CRPPA: variants seen among roughly 807,000 people sequenced by gnomAD.
CRPPA encodes CDP-L-ribitol pyrophosphorylase A, also known as D-ribitol-5-phosphate cytidylyltransferase.
Under a neutral mutation model 52.0 loss-of-function variants are expected in CRPPA, and 43 were observed. The observed-to-expected ratio is 0.83, with a 90% CI of 0.65 to 1.07. The LOEUF (loss-of-function observed/expected upper bound fraction) is 1.07. Ranked by LOEUF, CRPPA falls within the 50% of genes least tolerant of loss-of-function variation. The pLI is 0.00. For missense variants in CRPPA, 629 were observed against 551.7 expected (o/e 1.14, Z -1.40); for synonymous variants, 250 against 203.5 (o/e 1.23, Z -1.94).
At chr7:16,140,991 A>T (rs1782858665) in intron 9 of CRPPA, among the ~76,000 whole-genome samples, 1 of 152,320 alleles carries the variant, frequency 6.6e-6, no homozygotes, top group Admixed American at 6.5e-5. Context: ...TGGACCTGAT[A>T]TTAAGAACCT....
chr7:16,318,484 A>G (rs981430102), intron 3 of CRPPA, among the ~76,000 whole-genome samples: 1 of 152,136 alleles, frequency 6.6e-6, no homozygotes, highest in East Asian at 1.9e-4. Context: ...TTTTCTCCAT[A>G]TGTAACAATT....
At chr7:16,380,418 C>G (rs898769351) in intron 2 of CRPPA, among the ~76,000 whole-genome samples, 8 of 152,098 alleles carry the variant, frequency 5.3e-5, no homozygotes, top group South Asian at 2.1e-4. Flanking sequence ...ATTTTTGCAT[C>G]AATGTTCATC....
chr7:16,385,997 CCA>C (rs1397591640), intron 2 of CRPPA, among the ~76,000 whole-genome samples: 2 of 152,318 alleles, frequency 1.3e-5, no homozygotes, highest in African/African-American at 4.8e-5. Context: ...GCTCTGCCGT[CCA>C]CAGACAGCTT....
At chr7:16,384,213 A>T (rs1056415389) in intron 2 of CRPPA, among the ~76,000 whole-genome samples, 1 of 152,146 alleles carries the variant, frequency 6.6e-6, no homozygotes, top group Non-Finnish European at 1.5e-5. Flanking sequence ...CAAGTAGAAG[A>T]CAAAGGATGT....
chr7:16,122,186 A>G (rs1444777664), intron 9 of CRPPA, among the ~76,000 whole-genome samples: 3 of 152,100 alleles, frequency 2.0e-5, no homozygotes, highest in African/African-American at 7.2e-5. Flanking sequence ...AACACGCACA[A>G]TCAAAAGGAA....
chr7:16,343,092 AAAT>A (rs1234756743), intron 3 of CRPPA, among the ~76,000 whole-genome samples: 1 of 151,978 alleles, frequency 6.6e-6, no homozygotes, highest in Non-Finnish European at 1.5e-5. Flanking sequence ...TGTGAAAATC[AAAT>A]AATAAGTTAC....
At chr7:16,253,510 G>A (rs1485989769) in intron 8 of CRPPA, among the ~76,000 whole-genome samples, 1 of 152,200 alleles carries the variant, frequency 6.6e-6, no homozygotes, top group African/African-American at 2.4e-5. Context: ...TTGCTGAGGA[G>A]TACTTTACTT....
At chr7:16,384,884 A>G (rs1356101787) in intron 2 of CRPPA, among the ~76,000 whole-genome samples, 7 of 152,196 alleles carry the variant, frequency 4.6e-5, no homozygotes, top group Non-Finnish European at 1.0e-4. Context: ...GCAGATAAAG[A>G]CCTCAAATCA....
At chr7:16,345,371 A>G (rs1202802835) in intron 3 of CRPPA, among the ~76,000 whole-genome samples, 2 of 152,196 alleles carry the variant, frequency 1.3e-5, no homozygotes, top group Admixed American at 1.3e-4. Flanking sequence ...TGAGGCTAAA[A>G]TGAAAGGACA....
chr7:16,182,119 ATC>A (rs1158269758), intron 9 of CRPPA, among the ~76,000 whole-genome samples: 2 of 152,072 alleles, frequency 1.3e-5, no homozygotes, highest in Non-Finnish European at 2.9e-5. Flanking sequence ...TTTATAAAAT[ATC>A]TCTTTGCATC....
At position 16,092,636 on chromosome 7, in the gene CRPPA, T is replaced by C. The variant is rs73289968; in HGVS notation, c.1252-837A>G. ...TCAATTACTGGAATATTCTCACAGA[T>C]AGTCCCTCTAAAGTCTTGCCCTCTT... On this transcript the variant is annotated intron_variant, in intron 9 of 9. Coordinates refer to ENST00000407010, the MANE Select transcript of CRPPA (RefSeq NM_001101426.4). Among the ~76,000 whole-genome samples the C allele has an allele frequency of 3.1e-3, 470 of 152,336 alleles. 2 individuals are homozygous for C. Among genetic ancestry groups the C allele is most frequent in the African/African-American group, 0.011 (456 of 41,586 alleles).
chr7:16,192,414 G>A (rs912248171), intron 9 of CRPPA, among the ~76,000 whole-genome samples: 1 of 152,048 alleles, frequency 6.6e-6, no homozygotes, highest in Admixed American at 6.6e-5. Flanking sequence ...GATTTCTTAA[G>A]GAATCTAGTT....
intron 2 of CRPPA, among the ~76,000 whole-genome samples, chr7:16,385,676 A>G (rs1011550153): frequency 1.3e-5 from 2 of 152,246 alleles, no homozygotes; most frequent in Admixed American, 1.3e-4. Flanking sequence ...TAAAAAACAA[A>G]GTGTACCAGT....
At chr7:16,216,846 C>T (rs993054501) in intron 8 of CRPPA, among the ~76,000 whole-genome samples, 42 of 152,144 alleles carry the variant, frequency 2.8e-4, no homozygotes, top group African/African-American at 9.9e-4. Flanking sequence ...AACTGCAAGG[C>T]GGCAGCGAGG....
At chr7:16,280,205 G>A (rs1784291912) in intron 5 of CRPPA, among the ~76,000 whole-genome samples, 1 of 152,176 alleles carries the variant, frequency 6.6e-6, no homozygotes, top group Admixed American at 6.5e-5. Context: ...GACATAAAAT[G>A]ATTTAGTAGT....
At chr7:16,386,563 A>G (rs960886442) in intron 2 of CRPPA, among the ~76,000 whole-genome samples, 3 of 152,222 alleles carry the variant, frequency 2.0e-5, no homozygotes, top group East Asian at 3.8e-4. Context: ...TGATTAGTCT[A>G]TAACATATTG....
At chr7:16,320,556 G>T (rs1368652455) in intron 3 of CRPPA, among the ~76,000 whole-genome samples, 1 of 151,942 alleles carries the variant, frequency 6.6e-6, no homozygotes, top group African/African-American at 2.4e-5. Context: ...TATTATTTCT[G>T]CTAGGCAGCC....
At chr7:16,266,020 C>T (rs116799785) in intron 6 of CRPPA, among the ~76,000 whole-genome samples, 1,776 of 152,266 alleles carry the variant, frequency 0.012, 32 homozygotes, top group African/African-American at 0.041. Flanking sequence ...GACATCACAA[C>T]ACCCTTACCC....
intron 1 of CRPPA, among the ~76,000 whole-genome samples, chr7:16,414,727 G>A (rs1250123525): frequency 6.6e-6 from 1 of 152,080 alleles, no homozygotes; most frequent in Non-Finnish European, 1.5e-5. Context: ...TTATAACCTG[G>A]GGTTCAACAA....
Sources: allele counts gnomAD v4.1 joint callset (sites outside exome capture counted in the v4.1 genomes callset), GRCh38; gene constraint gnomAD v4.1.1; transcripts MANE v1.5; gene names NCBI Gene and HGNC (gene_info 2026-07-23, HGNC 2026-07-21).